BMPER: variants seen among roughly 807,000 people sequenced by gnomAD.
BMPER encodes BMP binding endothelial regulator, also known as BMP-binding endothelial regulator protein.
In BMPER, 45 loss-of-function variants were observed where a neutral mutation model predicts 87.3. The observed-to-expected ratio is 0.52, with a 90% CI of 0.41 to 0.66. The LOEUF (loss-of-function observed/expected upper bound fraction) is 0.66, where lower values mean the gene tolerates loss of function less well. Among genes scored for constraint, BMPER ranks in the 30% least tolerant of loss-of-function variants. BMPER has a pLI of 0.00. For missense variants in BMPER, 784 were observed against 867.5 expected, an observed-to-expected ratio of 0.90 and a Z score of 1.21; for synonymous variants, 326 against 316.2, an observed-to-expected ratio of 1.03 and a Z score of -0.33.
At chr7:33,936,033 A>G (rs1425603776) in intron 2 of BMPER, among the ~76,000 whole-genome samples, 2 of 152,140 alleles carry the variant, frequency 1.3e-5, no homozygotes, top group Non-Finnish European at 2.9e-5. Context: ...GCTCGCAGGC[A>G]CATATGCACA....
At chr7:33,921,932 C>A in intron 2 of BMPER, 1 of 452,386 alleles carries the variant, frequency 2.2e-6, no homozygotes. Context: ...CCAACCCCTT[C>A]GACTCCTCAA....
At chr7:34,040,647 G>T (rs1787809427) in intron 6 of BMPER, among the ~76,000 whole-genome samples, 1 of 152,118 alleles carries the variant, frequency 6.6e-6, no homozygotes, top group African/African-American at 2.4e-5. Flanking sequence ...ATTATTTGTA[G>T]ATTCAAAAGC....
At position 33,970,357 on chromosome 7, in the gene BMPER, G is replaced by T. The variant is rs767779708; in HGVS notation, c.431G>T (p.Arg144Leu). The change falls in exon 5 of 15, where the codon CGC (arginine) becomes CTC (leucine). Residue 144 changes from arginine to leucine, a missense_variant. Transcript: ENST00000649409. ...GGCGTTGTCACAGAGTCTGGGGTGCGCTGTGTTGTTCATTGTAAAAACCCT... is the reference window on the plus strand; with the variant it reads ...GGCGTTGTCACAGAGTCTGGGGTGCTCTGTGTTGTTCATTGTAAAAACCCT... Reference protein sequence around the residue: ...QEGVVTESGVRCVVHCKNPLE... With the variant: ...QEGVVTESGVLCVVHCKNPLE... The T allele has an allele frequency of 6.2e-7, 1 of 1,613,986 alleles. No individual in the cohort carries two copies. Among genetic ancestry groups the T allele is most frequent in the African/African-American group, 1.3e-5 (1 of 74,910 alleles).
At chr7:34,070,473 C>T (rs1208273716) in intron 11 of BMPER, among the ~76,000 whole-genome samples, 1 of 152,134 alleles carries the variant, frequency 6.6e-6, no homozygotes, top group African/African-American at 2.4e-5. Flanking sequence ...GGCAGCCGGA[C>T]ACTCATCCTA....
At chr7:34,137,120 A>G (rs2127993037) in intron 13 of BMPER, among the ~76,000 whole-genome samples, 1 of 152,358 alleles carries the variant, frequency 6.6e-6, no homozygotes, top group Middle Eastern at 3.4e-3. Context: ...CTTATATCAA[A>G]TATGTGCTTT....
At position 34,055,250 on chromosome 7, in the gene BMPER, C is replaced by T. The variant is rs144985513; in HGVS notation, c.874C>T (p.Arg292Ter). 1.2e-5 allele frequency: 20 copies of T among 1,614,072 alleles called. No homozygotes were observed. Among genetic ancestry groups the T allele is most frequent in the Non-Finnish European group, 1.4e-5 (17 of 1,180,004 alleles). ...GGGCTGTTGTGAAGAGTGCCTCCTACGAGTGCCCCCAGAAGACATCAAAGT... is the reference window on the plus strand; with the variant it reads ...GGGCTGTTGTGAAGAGTGCCTCCTATGAGTGCCCCCAGAAGACATCAAAGT... Reference protein sequence around the residue: ...QEGCCEECLLRVPPEDIKVCK... With the variant: ...QEGCCEECLL Residue 292 changes from arginine to a stop codon, truncating the protein, a stop_gained, in exon 9 of 15, where the codon CGA (arginine) becomes TGA (stop). Transcript: ENST00000649409. LOFTEE classifies it high-confidence loss of function.
At chr7:33,953,891 C>T (rs943888809) in intron 3 of BMPER, among the ~76,000 whole-genome samples, 1 of 152,184 alleles carries the variant, frequency 6.6e-6, no homozygotes, top group African/African-American at 2.4e-5. Context: ...TATGTGCAGT[C>T]AGACAATATT....
rs1443105001 is a variant in BMPER at position 33,991,100 on chromosome 7, G to A, written c.576+16316G>A. ...CTCTTTTTTGGTTGTGTCTCTGCCT[G>A]GCTTTGGTATCAGAATGATGCTGGC... On this transcript the variant is annotated intron_variant, in intron 6 of 14. Coordinates refer to ENST00000649409, the MANE Select transcript of BMPER (RefSeq NM_001365308.1). Among the ~76,000 whole-genome samples, 27 of 147,046 alleles carry A rather than the reference G, an allele frequency of 1.8e-4. No individual in the cohort carries two copies. In the South Asian group the frequency reaches 3.1e-3, roughly 17 times the overall value.
At chr7:33,943,598 T>C (rs1302425790) in intron 3 of BMPER, among the ~76,000 whole-genome samples, 1 of 152,172 alleles carries the variant, frequency 6.6e-6, no homozygotes, top group Non-Finnish European at 1.5e-5. Context: ...TGTGCATGTG[T>C]CAAACTATGA....
At chr7:33,911,708 A>G (rs1783966097) in intron 2 of BMPER, among the ~76,000 whole-genome samples, 1 of 152,170 alleles carries the variant, frequency 6.6e-6, no homozygotes, top group Non-Finnish European at 1.5e-5. Flanking sequence ...CTTCATCTGG[A>G]GAGTGGGATG....
At chr7:34,125,329 C>T (rs1790373374) in intron 13 of BMPER, among the ~76,000 whole-genome samples, 1 of 152,148 alleles carries the variant, frequency 6.6e-6, no homozygotes, top group Non-Finnish European at 1.5e-5. Context: ...CATTGCTGAT[C>T]ATTTGTCCCC....
At chr7:34,149,050 G>T (rs964855843) in intron 14 of BMPER, among the ~76,000 whole-genome samples, 1 of 152,068 alleles carries the variant, frequency 6.6e-6, no homozygotes, top group Non-Finnish European at 1.5e-5. Context: ...GGCATGCATT[G>T]AGCTGCTCCC....
rs529683256 is a variant in BMPER at position 33,922,003 on chromosome 7, G to C, written c.219+15100G>C. On this transcript the variant is annotated intron_variant, in intron 2 of 14. Coordinates refer to ENST00000649409, the MANE Select transcript of BMPER (RefSeq NM_001365308.1). ...CTTACAGCCAGCAGGTCCCTTCCTC[G>C]TGCAGAATAAAGCCATTCTGGGAAA... 128 of 367,314 alleles carry C rather than the reference G, an allele frequency of 3.5e-4. 2 individuals are homozygous for C. The highest frequency in any genetic ancestry group is 2.1e-3 in the South Asian group (105 of 50,192). 22.8% of individuals were successfully genotyped at this position (367,314 alleles called of 1,614,324 possible). A position where few individuals can be genotyped will look rare whatever the true frequency, so the allele number is the denominator to read the frequency against.
At chr7:34,079,541 G>A (rs1788957742) in intron 12 of BMPER, among the ~76,000 whole-genome samples, 3 of 152,166 alleles carry the variant, frequency 2.0e-5, no homozygotes, top group South Asian at 2.1e-4. Flanking sequence ...TTAGGCCGTC[G>A]ATGCCCAGCT....
chr7:33,976,642 G>A (rs1233120591), intron 6 of BMPER, among the ~76,000 whole-genome samples: 1 of 152,090 alleles, frequency 6.6e-6, no homozygotes, highest in Non-Finnish European at 1.5e-5. Context: ...AATTATAAAT[G>A]TGCATCTGAA....
chr7:33,965,602 C>T (rs1785385803), intron 3 of BMPER, among the ~76,000 whole-genome samples: 1 of 152,178 alleles, frequency 6.6e-6, no homozygotes. Flanking sequence ...GCAATCCAGA[C>T]TATGTATTGG....
intron 13 of BMPER, among the ~76,000 whole-genome samples, chr7:34,114,818 C>T (rs1006248603): frequency 6.6e-6 from 1 of 152,192 alleles, no homozygotes; most frequent in Non-Finnish European, 1.5e-5. Flanking sequence ...AGGGGCAACA[C>T]ATAGTTCTGA....
intron 6 of BMPER, among the ~76,000 whole-genome samples, chr7:33,995,508 CTTG>C (rs1249381693): frequency 2.0e-5 from 3 of 152,126 alleles, no homozygotes; most frequent in East Asian, 1.9e-4. Flanking sequence ...TATTTCTATG[CTTG>C]TTGTACAATC....
intron 2 of BMPER, among the ~76,000 whole-genome samples, chr7:33,920,755 G>C (rs1212969849): frequency 1.3e-5 from 2 of 151,746 alleles, no homozygotes; most frequent in African/African-American, 4.8e-5. Context: ...AACCCTTCCA[G>C]TGACTTTTAT....
Sources: allele counts gnomAD v4.1 joint callset (sites outside exome capture counted in the v4.1 genomes callset), GRCh38; gene constraint gnomAD v4.1.1; transcripts MANE v1.5; gene names NCBI Gene and HGNC (gene_info 2026-07-23, HGNC 2026-07-21).